CCDC120: variants seen among roughly 807,000 people sequenced by gnomAD.
CCDC120 encodes coiled-coil domain-containing protein 120.
Under a neutral mutation model 37.6 loss-of-function variants are expected in CCDC120, and 16 were observed. The observed-to-expected ratio is 0.43, with a 90% CI of 0.29 to 0.65. CCDC120 has a LOEUF of 0.65. Ranked by LOEUF, CCDC120 falls within the 30% of genes least tolerant of loss-of-function variation. The probability of loss-of-function intolerance (pLI) is 0.18; values close to 1 mark genes in which losing one functional copy is unlikely to be tolerated. For synonymous variants in CCDC120, 309 were observed against 275.4 expected, an observed-to-expected ratio of 1.12 and a Z score of -1.21; for missense variants, 650 against 657.4, an observed-to-expected ratio of 0.99 and a Z score of 0.12.
chrX:49,067,454 C>T lies in CCDC120; in HGVS notation c.1340C>T (p.Ala447Val), dbSNP rs959629328. 5.1e-6 allele frequency: 6 copies of T among 1,186,195 alleles called. No homozygotes were observed. The Admixed American group carries it at 1.1e-4, about 22-fold the overall frequency. The change falls in exon 10 of 11, where the codon GCA becomes GTA. Residue 447 changes from alanine (A) to valine (V), a missense_variant. Transcript: ENST00000603986. ...QPTPAFSSRT[A>V]GPPDPPRAAR... ...ACCCCTGCCTTCTCCTCCCGCACAG[C>T]AGGCCCCCCAGACCCTCCCCGGGCC...
At chrX:49,055,548 A>C (rs937163675), upstream of CCDC120, among the ~76,000 whole-genome samples, 10 of 111,714 alleles carry the variant, frequency 9.0e-5, no homozygotes, top group South Asian at 1.1e-3. Context: ...GTCTTGGGGG[A>C]GAAGGCCAGG....
chrX:49,061,895 G>A lies in CCDC120; in HGVS notation c.-83-64G>A, dbSNP rs781879458. 32 of 1,047,705 alleles carry A rather than the reference G, an allele frequency of 3.1e-5. No individual in the cohort carries two copies. The African/African-American group carries it at 5.7e-4, about 19-fold the overall frequency. The allele number at this position is 1,047,705 out of a possible 1,213,427, so 86.3% of individuals were successfully genotyped here. ...AGGTAACTGTTGCAGGCACCCAGGT[G>A]TTGACTGCGTGTCCATTGTTGTTAT... is the stretch of plus-strand genomic sequence containing the variant. On this transcript the variant is annotated intron_variant, in intron 1 of 10. Transcript: ENST00000603986.
chrX:49,056,472 C>A (rs2064831059), upstream of CCDC120, among the ~76,000 whole-genome samples: 1 of 108,749 alleles, frequency 9.2e-6, no homozygotes, highest in African/African-American at 3.3e-5. Flanking sequence ...ACTAAAAATA[C>A]AAAAATTAGC....
chrX:49,055,781 A>G (rs184171685), upstream of CCDC120, among the ~76,000 whole-genome samples: 2 of 111,915 alleles, frequency 1.8e-5, no homozygotes, highest in East Asian at 5.6e-4. Flanking sequence ...CTGAAAATCT[A>G]TCCAAACCTA....
In CCDC120 at chrX:49,068,045, C is replaced by T. The variant is rs1399474304; in HGVS notation, c.1931C>T (p.Pro644Leu). 2 of 1,165,402 alleles carry T rather than the reference C, an allele frequency of 1.7e-6. No homozygotes were observed. Among genetic ancestry groups the T allele is most frequent in the Non-Finnish European group, 2.3e-6 (2 of 872,462 alleles). Residue 644 changes from proline (P) to leucine (L), a missense_variant, in exon 10 of 11, where the codon CCA becomes CTA. Around this residue, in one of 3 missense-constraint regions of CCDC120, gnomAD observed 576 missense variants for 565.3 expected, o/e 1.02. Coordinates refer to ENST00000603986, the MANE Select transcript of CCDC120 (RefSeq NM_001163321.4). Reference protein sequence around the residue: ...QALYGAPSQAPLPHSRSFTAP... With the variant: ...QALYGAPSQALLPHSRSFTAP... ...CTGTACGGGGCCCCCAGCCAGGCGC[C>T]ACTCCCACACTCGAGGAGTTTCACG...
At position 49,063,925 on chromosome X, in the gene CCDC120, G is replaced by A. The variant is rs150262550; in HGVS notation, c.353G>A (p.Arg118His). The change falls in exon 5 of 11, where the codon CGC (arginine) becomes CAC (histidine). Residue 118 changes from arginine to histidine, a missense_variant. This residue lies in a region of CCDC120 where 576 missense variants were observed against 565.3 expected (regional missense o/e 1.02). Transcript: ENST00000603986. ...LEPGERPQLV[R>H]RRPPTARAYP... ...CCTGGTGAACGGCCCCAGTTGGTCC[G>A]CCGGCGGCCCCCCACAGCCCGCGCC... 28 of 1,207,195 alleles carry A rather than the reference G, an allele frequency of 2.3e-5. No homozygotes were observed. The highest frequency in any genetic ancestry group is 3.0e-5 in the Non-Finnish European group (27 of 894,040).
In CCDC120 at chrX:49,063,119, G is replaced by A. The variant is rs782407637; in HGVS notation, c.288+518G>A. Among the ~76,000 whole-genome samples, 6 of 108,254 alleles carry A rather than the reference G, an allele frequency of 5.5e-5. No individual in the cohort carries two copies. In the South Asian group the frequency reaches 2.1e-3, roughly 37 times the overall value. The allele number at this position is 108,254 out of a possible 115,157, so 94.0% of individuals were successfully genotyped here. A position where few individuals can be genotyped will look rare whatever the true frequency, so the allele number is the denominator to read the frequency against. Reference sequence around the variant, plus strand: ...TGAGGCAGGAGAATGGCATGAACCCGGGAGGCGGAGCTTGCAGTGAGCCCA... The same window carrying A: ...TGAGGCAGGAGAATGGCATGAACCCAGGAGGCGGAGCTTGCAGTGAGCCCA... On this transcript the variant is annotated intron_variant, in intron 4 of 10. Transcript: ENST00000603986.
chrX:49,058,776 G>GC (rs781851085), upstream of CCDC120, among the ~76,000 whole-genome samples: 1 of 112,750 alleles, frequency 8.9e-6, no homozygotes, highest in East Asian at 2.8e-4. Flanking sequence ...TCCCACCTCA[G>GC]CCTCCCAAAG....
chrX:49,059,987 G>A (rs2064865868), intron 1 of CCDC120, among the ~76,000 whole-genome samples: 1 of 112,480 alleles, frequency 8.9e-6, no homozygotes, highest in East Asian at 2.8e-4. Context: ...GTGTGGGGGT[G>A]TGGGGCGTTG....
chrX:49,067,824 G>T lies in CCDC120; in HGVS notation c.1710G>T (p.Trp570Cys). 8.4e-7 allele frequency: 1 copy of T among 1,184,894 alleles called. No homozygotes were observed. The highest frequency in any genetic ancestry group is 2.4e-5 in the Admixed American group (1 of 42,431). ...GPEVHPNPLL[W>C]MPPPTRIPSA... The stretch of plus-strand genomic sequence containing the variant: ...AGGTGCATCCAAACCCTCTGCTGTG[G>T]ATGCCCCCACCCACCCGTATCCCCT... The change falls in exon 10 of 11, where the codon TGG becomes TGT. Residue 570 changes from tryptophan (W) to cysteine (C), a missense_variant. Trp to Cys is a radical substitution (Grantham distance 215). This residue lies in a region of CCDC120 where 576 missense variants were observed against 565.3 expected (regional missense o/e 1.02). Coordinates refer to ENST00000603986, the MANE Select transcript of CCDC120 (RefSeq NM_001163321.4).
rs1364309182 is a variant in CCDC120 at position 49,067,247 on chromosome X, C to T, written c.1133C>T (p.Pro378Leu). The change falls in exon 10 of 11, where the codon CCT becomes CTT. Residue 378 changes from proline to leucine, a missense_variant. Physicochemically the swap from Pro to Leu is moderately conservative, Grantham distance 98 (BLOSUM62 -3). Around this residue, in one of 3 missense-constraint regions of CCDC120, gnomAD observed 576 missense variants for 565.3 expected, o/e 1.02. Coordinates refer to ENST00000603986, the MANE Select transcript of CCDC120 (RefSeq NM_001163321.4). The part of the protein sequence containing the change: ...DSQMGFPRAD[P>L]ASDRASLFVA... Reference sequence around the variant, plus strand: ...CAGATGGGCTTCCCCCGGGCGGACCCTGCCTCCGATCGCGCCTCCCTCTTC... The same window carrying T: ...CAGATGGGCTTCCCCCGGGCGGACCTTGCCTCCGATCGCGCCTCCCTCTTC... The T allele has an allele frequency of 5.0e-6, 6 of 1,209,728 alleles. No individual in the cohort carries two copies. Among genetic ancestry groups the T allele is most frequent in the Non-Finnish European group, 6.7e-6 (6 of 895,121 alleles).
intron 10 of CCDC120, 80 bp downstream of exon 10, chrX:49,068,170 C>T (rs991939160): frequency 8.9e-7 from 1 of 1,122,336 alleles, no homozygotes; most frequent in African/African-American, 1.8e-5. Flanking sequence ...AGTGGCTAGT[C>T]ATGATAGCTA....
At chrX:49,059,643 C>T (rs1208456506) in intron 1 of CCDC120, among the ~76,000 whole-genome samples, 1 of 112,435 alleles carries the variant, frequency 8.9e-6, no homozygotes, top group Non-Finnish European at 1.9e-5. Context: ...GTTGGGGTGC[C>T]ACCCAGGTGA....
intron 9 of CCDC120, 70 bp from the exon 10 acceptor site, chrX:49,067,106 G>C (rs782548570): frequency 4.1e-6 from 4 of 964,188 alleles, no homozygotes; most frequent in African/African-American, 1.9e-5. Flanking sequence ...GGCTGGGGTA[G>C]GGAGGGCACT....
rs952428182 is a variant in CCDC120, at chrX:49,061,959, G to A, written c.-83G>A. 1 of 1,129,147 alleles carries A rather than the reference G, an allele frequency of 8.9e-7. No homozygotes were observed. Among genetic ancestry groups the A allele is most frequent in the Non-Finnish European group, 1.2e-6 (1 of 859,828 alleles). 93.1% of individuals were successfully genotyped at this position (1,129,147 alleles called of 1,213,427 possible). ...TGTCCCATTAATTCTCCTTCCCCAG[G>A]CAAGACTCGTGGCTGTGACCCATGG... is the stretch of plus-strand genomic sequence containing the variant. On this transcript the variant is annotated splice_region_variant and 5_prime_UTR_variant, in exon 2 of 11. Transcript: ENST00000603986.
At position 49,067,425 on chromosome X, in the gene CCDC120, A is replaced by G. The variant is rs782425279; in HGVS notation, c.1311A>G (p.Gln437=). 2.8e-5 allele frequency: 33 copies of G among 1,189,314 alleles called. No homozygotes were observed. In the Admixed American group the frequency reaches 6.5e-4, roughly 23 times the overall value. ...GTGAGGTGCTGTATGAGCGCCCCCA[A>G]CCAACCCCTGCCTTCTCCTCCCGCA... ...KSSEVLYERP[Q]PTPAFSSRTA... The change falls in exon 10 of 11, where the codon CAA becomes CAG. Residue 437 remains glutamine (Q), a synonymous_variant. Coordinates refer to ENST00000603986, the MANE Select transcript of CCDC120 (RefSeq NM_001163321.4).
In CCDC120 at chrX:49,063,919, T is replaced by C; in HGVS notation, c.347T>C (p.Leu116Ser). The C allele has an allele frequency of 1.7e-6, 2 of 1,209,853 alleles. No individual in the cohort carries two copies. The highest frequency in any genetic ancestry group is 2.2e-6 in the Non-Finnish European group (2 of 894,654). ...CTAGAGCCTGGTGAACGGCCCCAGTTGGTCCGCCGGCGGCCCCCCACAGCC... is the reference window on the plus strand; with the variant it reads ...CTAGAGCCTGGTGAACGGCCCCAGTCGGTCCGCCGGCGGCCCCCCACAGCC... ...CPLEPGERPQLVRRRPPTARA... is the reference protein window; with the variant it reads ...CPLEPGERPQSVRRRPPTARA... The change falls in exon 5 of 11, where the codon TTG becomes TCG. Residue 116 changes from leucine (L) to serine (S), a missense_variant. Leu to Ser is a moderately radical substitution (Grantham distance 145). Around this residue, in one of 3 missense-constraint regions of CCDC120, gnomAD observed 576 missense variants for 565.3 expected, o/e 1.02. Transcript: ENST00000603986.
At chrX:49,055,434 G>A (rs1557078246), upstream of CCDC120, among the ~76,000 whole-genome samples, 1 of 111,741 alleles carries the variant, frequency 8.9e-6, no homozygotes, top group East Asian at 2.8e-4. Flanking sequence ...CAAGGCTTCG[G>A]GACTTGGTAT....
chrX:49,056,244 T>G (rs1465601051), upstream of CCDC120, among the ~76,000 whole-genome samples: 2 of 111,452 alleles, frequency 1.8e-5, no homozygotes, highest in Non-Finnish European at 3.8e-5. Flanking sequence ...ACAGCTCTGT[T>G]TCAAATATGT....
Sources: allele counts gnomAD v4.1 joint callset (sites outside exome capture counted in the v4.1 genomes callset), GRCh38; gene constraint gnomAD v4.1.1; regional missense constraint gnomAD v4.1.1; transcripts MANE v1.5; gene names NCBI Gene and HGNC (gene_info 2026-07-23, HGNC 2026-07-21).